Variants in CRK observed in about 807,000 individuals in gnomAD.
CRK encodes the protein adapter molecule crk.
Under a neutral mutation model 29.8 loss-of-function variants are expected in CRK, and 4 were observed. That is an observed-to-expected ratio of 0.13 (90% CI 0.07 to 0.31). The LOEUF (loss-of-function observed/expected upper bound fraction) is 0.31. CRK is among the 10% of genes least tolerant of loss of function. CRK has a pLI of 1.00. For missense variants in CRK, 274 were observed against 396.5 expected, an observed-to-expected ratio of 0.69 and a Z score of 2.62; for synonymous variants, 153 against 164.9, an observed-to-expected ratio of 0.93 and a Z score of 0.55.
intron 1 of CRK, among the ~76,000 whole-genome samples, chr17:1,438,558 T>C (rs1486908420): frequency 6.6e-6 from 1 of 151,006 alleles, no homozygotes; most frequent in African/African-American, 2.4e-5. Flanking sequence ...CCCGAGATCG[T>C]AAATAAAACA....
At chr17:1,441,853 G>T (rs1167420776) in intron 1 of CRK, among the ~76,000 whole-genome samples, 1 of 149,872 alleles carries the variant, frequency 6.7e-6, no homozygotes, top group Non-Finnish European at 1.5e-5. Flanking sequence ...TGCCCAGGCT[G>T]CGGTTTTGTT....
chr17:1,439,035 C>T (rs1209538920), intron 1 of CRK, among the ~76,000 whole-genome samples: 1 of 151,966 alleles, frequency 6.6e-6, no homozygotes, highest in African/African-American at 2.4e-5. Flanking sequence ...GGTTTCACCA[C>T]GTTGCCCAGA....
Position 1,456,225 on chromosome 17 carries a change from C to T in CRK, c.-108G>A, listed in dbSNP as rs879295716. The T allele has an allele frequency of 1.8e-4, 236 of 1,286,012 alleles. No individual in the cohort carries two copies. The highest frequency in any genetic ancestry group is 2.9e-4 in the Middle Eastern group (1 of 3,422). The allele number at this position is 1,286,012 out of a possible 1,614,324, so 79.7% of individuals were successfully genotyped here. ...CTCCGGTTTCAGCTTCACAGCAGCG[C>T]CCGAAATGGCGGCGGCAGCCGCGGG... is the stretch of plus-strand genomic sequence containing the variant. On this transcript the variant is annotated 5_prime_UTR_variant, in exon 1 of 3. Coordinates refer to ENST00000300574, the MANE Select transcript of CRK (RefSeq NM_016823.4).
At chr17:1,442,854 G>A (rs1327210119) in intron 1 of CRK, among the ~76,000 whole-genome samples, 5 of 151,546 alleles carry the variant, frequency 3.3e-5, no homozygotes, top group East Asian at 1.9e-4. Context: ...TGATCTGACC[G>A]CCTTGGCCTC....
At chr17:1,452,442 A>G (rs2074025105) in intron 1 of CRK, among the ~76,000 whole-genome samples, 1 of 152,200 alleles carries the variant, frequency 6.6e-6, no homozygotes, top group African/African-American at 2.4e-5. Context: ...GGGGAGAACA[A>G]AGATTCAGTA....
intron 1 of CRK, among the ~76,000 whole-genome samples, chr17:1,450,795 AG>A (rs2074011400): frequency 1.3e-5 from 2 of 152,006 alleles, no homozygotes; most frequent in African/African-American, 4.8e-5. Flanking sequence ...CTAAGGCAGG[AG>A]AACTGCTTGA....
rs767423900 is a variant in CRK, at chr17:1,455,903, G to A, written c.215C>T (p.Pro72Leu). The A allele has an allele frequency of 6.3e-7, 1 of 1,578,056 alleles. No homozygotes were observed. The highest frequency in any genetic ancestry group is 8.6e-7 in the Non-Finnish European group (1 of 1,165,040). Residue 72 changes from proline (P) to leucine (L), a missense_variant, in exon 1 of 3, where the codon CCA becomes CTA. By Grantham distance (98) the Pro-to-Leu change is moderately conservative (BLOSUM62 -3). Coordinates refer to ENST00000300574, the MANE Select transcript of CRK (RefSeq NM_016823.4). ...INSSGPRPPV[P>L]PSPAQPPPGV... ...GGGCGGAGGCTGGGCGGGCGACGGT[G>A]GCACCGGCGGGCGCGGGCCGCTGCT... is the stretch of plus-strand genomic sequence containing the variant.
At chr17:1,441,454 G>C (rs1038561001) in intron 1 of CRK, among the ~76,000 whole-genome samples, 2 of 151,986 alleles carry the variant, frequency 1.3e-5, no homozygotes, top group African/African-American at 2.4e-5. Context: ...TCAGCCTTCT[G>C]AGTAGCTGGG....
At chr17:1,433,825 GTTTTTTTT>G (rs56071119) in intron 2 of CRK, among the ~76,000 whole-genome samples, 2 of 127,338 alleles carry the variant, frequency 1.6e-5, no homozygotes, top group African/African-American at 3.1e-5. Flanking sequence ...AGCATGTATG[GTTTTTTTT>G]TTTTTTTTTT....
At chr17:1,428,229 C>T (rs1017347241) in intron 2 of CRK, among the ~76,000 whole-genome samples, 6 of 151,494 alleles carry the variant, frequency 4.0e-5, no homozygotes, top group African/African-American at 1.5e-4. Context: ...AATGATTCTC[C>T]TGCCTCAGCC....
intron 1 of CRK, among the ~76,000 whole-genome samples, chr17:1,447,559 ACAAGAGCGGGCCAGGCTC>A (rs1179441205): frequency 1.3e-5 from 2 of 151,346 alleles, no homozygotes; most frequent in Non-Finnish European, 2.9e-5. Context: ...TGACGGGTCT[ACAAGAGCGGGCCAGGCTC>A]TCCTTGATCT....
At chr17:1,428,174 A>C (rs988955505) in intron 2 of CRK, among the ~76,000 whole-genome samples, 9 of 147,510 alleles carry the variant, frequency 6.1e-5, no homozygotes, top group African/African-American at 2.3e-4. Context: ...GCTGGAGTGC[A>C]GTGGTACGAT....
At chr17:1,451,384 C>A (rs1479558977) in intron 1 of CRK, among the ~76,000 whole-genome samples, 1 of 151,616 alleles carries the variant, frequency 6.6e-6, no homozygotes, top group Non-Finnish European at 1.5e-5. Flanking sequence ...GCGTCCGCCA[C>A]CACGCCCAGC....
chr17:1,433,927 T>C (rs2073867335), intron 2 of CRK, among the ~76,000 whole-genome samples: 1 of 151,046 alleles, frequency 6.6e-6, no homozygotes, highest in Admixed American at 6.6e-5. Context: ...TTCAAACACC[T>C]GGACTCAAGC....
intron 1 of CRK, among the ~76,000 whole-genome samples, chr17:1,449,161 C>G (rs771207676): frequency 1.3e-5 from 2 of 152,046 alleles, no homozygotes; most frequent in Non-Finnish European, 2.9e-5. Context: ...CGTTTTATGC[C>G]CCCCTCCACC....
At chr17:1,441,058 C>A (rs1288506806) in intron 1 of CRK, among the ~76,000 whole-genome samples, 1 of 152,158 alleles carries the variant, frequency 6.6e-6, no homozygotes, top group African/African-American at 2.4e-5. Flanking sequence ...ACCTCAGCCT[C>A]CTGAGTAGCT....
chr17:1,441,017 C>T (rs2073931319), intron 1 of CRK, among the ~76,000 whole-genome samples: 1 of 152,044 alleles, frequency 6.6e-6, no homozygotes, highest in Admixed American at 6.6e-5. Flanking sequence ...CTGAGTGCAA[C>T]CTCTACCTCC....
intron 2 of CRK, among the ~76,000 whole-genome samples, chr17:1,427,453 C>T (rs775133929): frequency 9.9e-5 from 15 of 151,374 alleles, no homozygotes; most frequent in South Asian, 4.2e-4. Context: ...ATTAGCCAGG[C>T]GTGCTGGCGG....
intron 2 of CRK, among the ~76,000 whole-genome samples, chr17:1,427,403 C>A (rs972013677): frequency 3.3e-5 from 5 of 151,748 alleles, no homozygotes; most frequent in African/African-American, 1.2e-4. Context: ...ACCATCCTGG[C>A]TAACACGGTG....
Sources: gnomAD v4.1 joint callset for allele counts (sites outside exome capture counted in the v4.1 genomes callset) on GRCh38, gnomAD v4.1.1 for gene constraint, MANE v1.5 for transcripts, NCBI Gene and HGNC (gene_info 2026-07-23, HGNC 2026-07-21) for gene names.